PTPRG: variants seen among roughly 807,000 people sequenced by gnomAD.
PTPRG encodes the protein receptor-type tyrosine-protein phosphatase gamma.
PTPRG carries 102 observed loss-of-function variants against 165.3 expected under a neutral mutation model. The ratio of observed to expected loss-of-function variants is 0.62; its 90% confidence interval spans 0.53 to 0.73. The LOEUF (loss-of-function observed/expected upper bound fraction) is 0.73. Ranked by LOEUF, PTPRG falls within the 30% of genes least tolerant of loss-of-function variation. The pLI is 0.00. For missense variants in PTPRG, 1,866 were observed against 1,861.4 expected, an observed-to-expected ratio of 1.00 and a Z score of -0.05; for synonymous variants, 675 against 669.5, an observed-to-expected ratio of 1.01 and a Z score of -0.13.
At chr3:62,182,094 T>C (rs919929064) in intron 8 of PTPRG, among the ~76,000 whole-genome samples, 2 of 152,202 alleles carry the variant, frequency 1.3e-5, no homozygotes, top group Non-Finnish European at 2.9e-5. Flanking sequence ...GAAGAGAAAA[T>C]GTATTTACTG....
chr3:61,918,151 G>T (rs1354667886), intron 2 of PTPRG, among the ~76,000 whole-genome samples: 1 of 152,126 alleles, frequency 6.6e-6, no homozygotes, highest in African/African-American at 2.4e-5. Flanking sequence ...CAGGATGGTG[G>T]AGAGAAGTTC....
intron 2 of PTPRG, among the ~76,000 whole-genome samples, chr3:61,956,121 T>C (rs192010363): frequency 1.5e-3 from 223 of 151,900 alleles, no homozygotes; most frequent in South Asian, 4.6e-3. Context: ...AAATTGACTT[T>C]TCTGTCTTTT....
chr3:62,282,016 GCA>G (rs892972363), intron 27 of PTPRG, among the ~76,000 whole-genome samples: 2 of 151,908 alleles, frequency 1.3e-5, no homozygotes, highest in African/African-American at 4.8e-5. Context: ...GCAATGTGTT[GCA>G]CAGATGATAA....
intron 2 of PTPRG, among the ~76,000 whole-genome samples, chr3:61,953,237 C>G (rs563667612): frequency 7.2e-5 from 11 of 152,224 alleles, no homozygotes; most frequent in Admixed American, 2.0e-4. Flanking sequence ...TTTCTTGCCC[C>G]CAGCTAAGTC....
At chr3:61,647,791 C>CAAAAAA (rs58020589) in intron 1 of PTPRG, among the ~76,000 whole-genome samples, 8,843 of 92,360 alleles carry the variant, frequency 0.096, 1,205 homozygotes, top group Non-Finnish European at 0.14. Context: ...GACTCCGTCT[C>CAAAAAA]AAAAAAAAAA....
At chr3:61,841,082 G>T (rs377430497) in intron 2 of PTPRG, among the ~76,000 whole-genome samples, 1 of 152,042 alleles carries the variant, frequency 6.6e-6, no homozygotes, top group African/African-American at 2.4e-5. Flanking sequence ...ACACCCGGCC[G>T]ATAGGTAGCT....
intron 1 of PTPRG, among the ~76,000 whole-genome samples, chr3:61,700,042 G>GA (rs2030867621): frequency 6.6e-6 from 1 of 152,136 alleles, no homozygotes; most frequent in African/African-American, 2.4e-5. Context: ...TGGCAGTGGT[G>GA]AGGGGGTCTG....
chr3:61,854,072 G>C (rs1419061856), intron 2 of PTPRG, among the ~76,000 whole-genome samples: 1 of 152,216 alleles, frequency 6.6e-6, no homozygotes, highest in Non-Finnish European at 1.5e-5. Context: ...CTGTTTGAGA[G>C]TGCAGCCAGC....
At position 62,254,956 on chromosome 3, in the gene PTPRG, G is replaced by A. The variant is rs1424827854; in HGVS notation, c.2468-168G>A. ...ATTAAAGTCATAATGAGATCCTAAT[G>A]TAAAATAAATTCTGAGACTTTTCTT... On this transcript the variant is annotated intron_variant, in intron 15 of 29. Transcript: ENST00000474889. This position sits in a 1 kb window ranked among gnomAD's most constrained non-coding sequence, Gnocchi z 4.6. Among the ~76,000 whole-genome samples the A allele has an allele frequency of 1.3e-5, 2 of 152,104 alleles. No individual in the cohort carries two copies. Among genetic ancestry groups the A allele is most frequent in the Non-Finnish European group, 2.9e-5 (2 of 68,018 alleles).
rs867286501 is a variant in PTPRG, at chr3:61,989,757, A to G, written c.323A>G (p.Asp108Gly). ...EYQELQLDGFDNESSNKTWMK... is the reference protein window; with the variant it reads ...EYQELQLDGFGNESSNKTWMK... Reference sequence around the variant, plus strand: ...CAGGAACTGCAACTCGATGGCTTCGACAATGAGTCTTCTAACAAAACCTGG... The same window carrying G: ...CAGGAACTGCAACTCGATGGCTTCGGCAATGAGTCTTCTAACAAAACCTGG... The change falls in exon 3 of 30, where the codon GAC becomes GGC. Residue 108 changes from aspartate (D) to glycine (G), a missense_variant. This residue lies in a region of PTPRG where 408 missense variants were observed against 376.2 expected (regional missense o/e 1.08). Coordinates refer to ENST00000474889, the MANE Select transcript of PTPRG (RefSeq NM_002841.4). 5 of 1,614,066 alleles carry G rather than the reference A, an allele frequency of 3.1e-6. No individual in the cohort carries two copies. The highest frequency in any genetic ancestry group is 1.7e-5 in the Admixed American group (1 of 60,004).
chr3:61,994,053 T>C (rs1348267658), intron 3 of PTPRG, among the ~76,000 whole-genome samples: 1 of 152,216 alleles, frequency 6.6e-6, no homozygotes, highest in Non-Finnish European at 1.5e-5. Flanking sequence ...AGATAGCATC[T>C]CTCTATTTCT....
intron 6 of PTPRG, among the ~76,000 whole-genome samples, chr3:62,133,383 G>C (rs570738118): frequency 9.2e-5 from 14 of 152,296 alleles, no homozygotes; most frequent in African/African-American, 3.1e-4. Context: ...CAGAGACGTT[G>C]ACAGAAATAG....
intron 12 of PTPRG, among the ~76,000 whole-genome samples, chr3:62,212,139 T>C (rs1354627151): frequency 1.3e-5 from 2 of 152,192 alleles, no homozygotes; most frequent in South Asian, 2.1e-4. Flanking sequence ...AGCATTTTGC[T>C]CCAAGTTTCA....
intron 1 of PTPRG, among the ~76,000 whole-genome samples, chr3:61,698,175 A>G (rs2030721659): frequency 1.3e-5 from 2 of 152,110 alleles, no homozygotes; most frequent in South Asian, 4.1e-4. Flanking sequence ...CTTTTGTTAT[A>G]GGGGCCTCAA....
chr3:62,209,753 G>C (rs150012088), intron 12 of PTPRG, among the ~76,000 whole-genome samples: 3 of 152,318 alleles, frequency 2.0e-5, no homozygotes, highest in African/African-American at 7.2e-5. Context: ...TTCTCAGAAA[G>C]TATCTGGGTC....
chr3:62,065,879 C>T (rs1700995364), intron 4 of PTPRG, among the ~76,000 whole-genome samples: 1 of 152,160 alleles, frequency 6.6e-6, no homozygotes, highest in South Asian at 2.1e-4. Context: ...TAGAGGTTCT[C>T]CCAAGGACAC....
chr3:62,008,876 C>G (rs2041356200), intron 4 of PTPRG, among the ~76,000 whole-genome samples: 1 of 152,228 alleles, frequency 6.6e-6, no homozygotes, highest in Non-Finnish European at 1.5e-5. Flanking sequence ...TTGCCCACCA[C>G]TCACCTCCTG....
chr3:61,621,049 A>ATGTG lies in PTPRG; in HGVS notation c.85+58678_85+58679insGTGT, dbSNP rs759319362. On this transcript the variant is annotated intron_variant, in intron 1 of 29. Transcript: ENST00000474889. The stretch of plus-strand genomic sequence containing the variant: ...TGTGTGTGTGTATATATATATATAT[A>ATGTG]TATGTGTGTGTGTGTGTGTGTGTGT... Among the ~76,000 whole-genome samples the ATGTG allele has an allele frequency of 3.0e-3, 314 of 104,284 alleles. 1 individual carries two copies. Among genetic ancestry groups the ATGTG allele is most frequent in the African/African-American group, 9.7e-3 (289 of 29,652 alleles). The allele number at this position is 104,284 out of a possible 152,430, so 68.4% of individuals were successfully genotyped here. A position where few individuals can be genotyped will look rare whatever the true frequency, so the allele number is the denominator to read the frequency against.
intron 6 of PTPRG, among the ~76,000 whole-genome samples, chr3:62,141,649 C>T (rs1310336261): frequency 6.6e-6 from 1 of 151,484 alleles, no homozygotes; most frequent in Non-Finnish European, 1.5e-5. Context: ...CCTGTAACCC[C>T]AACATTGTGG....
Sources: allele counts gnomAD v4.1 joint callset (sites outside exome capture counted in the v4.1 genomes callset), GRCh38; gene constraint gnomAD v4.1.1; regional missense constraint gnomAD v4.1.1; non-coding constraint Gnocchi (gnomAD v3.1); transcripts MANE v1.5; gene names NCBI Gene and HGNC (gene_info 2026-07-23, HGNC 2026-07-21).